NIPAL1: variants seen among roughly 807,000 people sequenced by gnomAD.
NIPAL1 encodes NIPA like domain containing 1, also known as magnesium transporter NIPA3.
A neutral mutation model predicts 37.7 loss-of-function variants in NIPAL1; 35 were observed. That is an observed-to-expected ratio of 0.93 (90% confidence interval 0.71 to 1.23). The LOEUF (loss-of-function observed/expected upper bound fraction) is 1.23, where lower values mean the gene tolerates loss of function less well. NIPAL1 is among the 50% of genes most tolerant of loss of function. The probability of loss-of-function intolerance (pLI) is 0.00; values close to 1 mark genes in which losing one functional copy is unlikely to be tolerated. For synonymous variants in NIPAL1, 162 were observed against 183.0 expected, an observed-to-expected ratio of 0.89 and a Z score of 0.93; for missense variants, 412 against 473.9, an observed-to-expected ratio of 0.87 and a Z score of 1.21.
intron 2 of NIPAL1, among the ~76,000 whole-genome samples, chr4:48,025,765 A>G (rs1715672345): frequency 6.6e-6 from 1 of 152,136 alleles, no homozygotes; most frequent in Non-Finnish European, 1.5e-5. Context: ...GGTTTATCTT[A>G]GTCTCTATCT....
At chr4:48,033,510 GA>G (rs138884158) in intron 4 of NIPAL1, among the ~76,000 whole-genome samples, 2,151 of 152,270 alleles carry the variant, frequency 0.014, 22 homozygotes, top group Non-Finnish European at 0.025. Flanking sequence ...CAAATTGCCA[GA>G]GTCCTGTCAA....
chr4:48,036,584 A>G lies in NIPAL1; in HGVS notation c.*412A>G, dbSNP rs1281780617. ...TATTCTCCGTTGAGTCATAATTTCAAACTCAACAAGATTTCAGAAAGGTAT... is the reference window on the plus strand; with the variant it reads ...TATTCTCCGTTGAGTCATAATTTCAGACTCAACAAGATTTCAGAAAGGTAT... On this transcript the variant is annotated 3_prime_UTR_variant, in exon 6 of 6. Transcript: ENST00000295461. 1 of 169,052 alleles carries G rather than the reference A, an allele frequency of 5.9e-6. No homozygotes were observed. The highest frequency in any genetic ancestry group is 1.2e-5 in the Non-Finnish European group (1 of 80,480). 10.5% of individuals were successfully genotyped at this position (169,052 alleles called of 1,614,324 possible). A position where few individuals can be genotyped will look rare whatever the true frequency, so the allele number is the denominator to read the frequency against.
In NIPAL1 at chr4:48,019,826, T is replaced by G. The variant is rs147272811; in HGVS notation, c.46+2941T>G. Among the ~76,000 whole-genome samples the G allele has an allele frequency of 3.5e-4, 54 of 152,294 alleles. No homozygotes were observed. In the East Asian group the frequency reaches 9.4e-3, roughly 27 times the overall value. On this transcript the variant is annotated intron_variant, in intron 1 of 5. Transcript: ENST00000295461. The stretch of plus-strand genomic sequence containing the variant: ...AAAGGTTCATTTCACCTGATCCTTC[T>G]CCCACCTACTCTTTAGCCACATCTC...
chr4:48,033,934 C>CTAG (rs367691637), intron 4 of NIPAL1, among the ~76,000 whole-genome samples: 3 of 152,130 alleles, frequency 2.0e-5, no homozygotes, highest in Admixed American at 1.3e-4. Context: ...CAATGAATAG[C>CTAG]TAGTAGTAGT....
chr4:48,031,848 C>T (rs1715827036), intron 3 of NIPAL1, among the ~76,000 whole-genome samples: 1 of 152,098 alleles, frequency 6.6e-6, no homozygotes, highest in South Asian at 2.1e-4. Flanking sequence ...AAACGATTCT[C>T]CTGCCTCAGC....
At chr4:48,025,626 C>T (rs1715669380) in intron 2 of NIPAL1, among the ~76,000 whole-genome samples, 2 of 152,194 alleles carry the variant, frequency 1.3e-5, no homozygotes, top group Non-Finnish European at 2.9e-5. Context: ...AGGTGCCAAA[C>T]ACTGCTAGGG....
At chr4:48,028,763 G>A (rs971560172) in intron 2 of NIPAL1, among the ~76,000 whole-genome samples, 1 of 152,032 alleles carries the variant, frequency 6.6e-6, no homozygotes, top group African/African-American at 2.4e-5. Flanking sequence ...TAAAGGATAT[G>A]AACATACATT....
chr4:48,036,119 T>C lies in NIPAL1; in HGVS notation c.1180T>C (p.Ser394Pro). 6.2e-7 allele frequency: 1 copy of C among 1,610,368 alleles called. No homozygotes were observed. Among genetic ancestry groups the C allele is most frequent in the Non-Finnish European group, 8.5e-7 (1 of 1,179,116 alleles). The change falls in exon 6 of 6, where the codon TCA (serine) becomes CCA (proline). Residue 394 changes from serine (S) to proline (P), a missense_variant. Coordinates refer to ENST00000295461, the MANE Select transcript of NIPAL1 (RefSeq NM_207330.3). ...NYVLLENLEC[S>P]APGYNDDVTL... ...TGTTTTACTAGAGAACTTGGAGTGT[T>C]CAGCCCCAGGATACAATGATGACGT...
Position 48,034,979 on chromosome 4 carries a change from A to T in NIPAL1, c.560A>T (p.His187Leu). ...SILGSTVMVI[H>L]APQEEEVTSL... is the part of the protein sequence containing the mutation. Reference sequence around the variant, plus strand: ...TTGGGGTCAACTGTGATGGTTATCCATGCCCCACAAGAAGAGGAAGTCACA... The same window carrying T: ...TTGGGGTCAACTGTGATGGTTATCCTTGCCCCACAAGAAGAGGAAGTCACA... The change falls in exon 5 of 6, where the codon CAT (histidine) becomes CTT (leucine). Residue 187 changes from histidine (H) to leucine (L), a missense_variant. Physicochemically the swap from His to Leu is moderately conservative, Grantham distance 99. Coordinates refer to ENST00000295461, the MANE Select transcript of NIPAL1 (RefSeq NM_207330.3). The T allele has an allele frequency of 1.9e-6, 3 of 1,613,684 alleles. No homozygotes were observed. Among genetic ancestry groups the T allele is most frequent in the Non-Finnish European group, 2.5e-6 (3 of 1,179,552 alleles).
Position 48,016,844 on chromosome 4 carries a change from G to C in NIPAL1, c.5G>C (p.Gly2Ala). ...CGGAAGCCCGCTCCCGGGGCCATGG[G>C]GGCACAGGTGAGGCTGCCGCCCGGA... M[G>A]AQVRLPPGEP... Residue 2 changes from glycine (G) to alanine (A), a missense_variant, in exon 1 of 6, where the codon GGG becomes GCG. Physicochemically the swap from Gly to Ala is moderately conservative, Grantham distance 60. Coordinates refer to ENST00000295461, the MANE Select transcript of NIPAL1 (RefSeq NM_207330.3). 6.3e-7 allele frequency: 1 copy of C among 1,586,810 alleles called. No individual in the cohort carries two copies. Among genetic ancestry groups the C allele is most frequent in the East Asian group, 2.3e-5 (1 of 43,704 alleles).
At chr4:48,032,582 T>A (rs1431618035) in intron 3 of NIPAL1, among the ~76,000 whole-genome samples, 1 of 152,240 alleles carries the variant, frequency 6.6e-6, no homozygotes, top group Non-Finnish European at 1.5e-5. Flanking sequence ...ATTCTAATTT[T>A]CCAAGCTGGT....
rs1715722373 is a variant in NIPAL1 at position 48,027,671 on chromosome 4, G to A, written c.313+2337G>A. On this transcript the variant is annotated intron_variant, in intron 2 of 5. Transcript: ENST00000295461. This position sits in a 1 kb window ranked among gnomAD's most constrained non-coding sequence, Gnocchi z 4.1. ...GCAGAGGGCTAAGTATATTAAAATTGATAAGAAAACTCCATTTTCTATAGT... is the reference window on the plus strand; with the variant it reads ...GCAGAGGGCTAAGTATATTAAAATTAATAAGAAAACTCCATTTTCTATAGT... Among the ~76,000 whole-genome samples the A allele has an allele frequency of 6.6e-6, 1 of 152,164 alleles. No homozygotes were observed. Among genetic ancestry groups the A allele is most frequent in the Non-Finnish European group, 1.5e-5 (1 of 68,010 alleles).
chr4:48,023,930 C>T (rs565550104), intron 1 of NIPAL1, among the ~76,000 whole-genome samples: 2 of 151,612 alleles, frequency 1.3e-5, no homozygotes, highest in Admixed American at 6.6e-5. Context: ...TCTTCATACC[C>T]ACCAAATGAC....
Position 48,025,126 on chromosome 4 carries a change from T to A in NIPAL1, c.105T>A (p.Asn35Lys), listed in dbSNP as rs1715657772. The A allele has an allele frequency of 2.5e-6, 4 of 1,613,816 alleles. No individual in the cohort carries two copies. Among genetic ancestry groups the A allele is most frequent in the Non-Finnish European group, 2.5e-6 (3 of 1,179,754 alleles). The change falls in exon 2 of 6, where the codon AAT (asparagine) becomes AAA (lysine). Residue 35 changes from asparagine (N) to lysine (K), a missense_variant. By Grantham distance (94) the Asn-to-Lys change is moderately conservative. Coordinates refer to ENST00000295461, the MANE Select transcript of NIPAL1 (RefSeq NM_207330.3). ...CCCAGGCTTGGTGTGAGATCACAAATGTGTCACAGCTGCTGGCTTCTCCTG... is the reference window on the plus strand; with the variant it reads ...CCCAGGCTTGGTGTGAGATCACAAAAGTGTCACAGCTGCTGGCTTCTCCTG... ...NSSQAWCEIT[N>K]VSQLLASPVL...
Position 48,025,135 on chromosome 4 carries a change from G to T in NIPAL1, c.114G>T (p.Gln38His). The T allele has an allele frequency of 6.2e-7, 1 of 1,613,726 alleles. No individual in the cohort carries two copies. The change falls in exon 2 of 6, where the codon CAG (glutamine) becomes CAT (histidine). Residue 38 changes from glutamine (Q) to histidine (H), a missense_variant. Transcript: ENST00000295461. Reference sequence around the variant, plus strand: ...GGTGTGAGATCACAAATGTGTCACAGCTGCTGGCTTCTCCTGTGCTCTACA... The same window carrying T: ...GGTGTGAGATCACAAATGTGTCACATCTGCTGGCTTCTCCTGTGCTCTACA... The part of the protein sequence containing the change: ...QAWCEITNVS[Q>H]LLASPVLYTD...
chr4:48,033,914 C>T (rs1426110816), intron 4 of NIPAL1, among the ~76,000 whole-genome samples: 2 of 152,148 alleles, frequency 1.3e-5, no homozygotes, highest in Non-Finnish European at 2.9e-5. Context: ...ACTTCAAACA[C>T]TTGTCTATGC....
Position 48,035,967 on chromosome 4 carries a change from G to A in NIPAL1, c.1028G>A (p.Gly343Glu), listed in dbSNP as rs374168487. 4.3e-6 allele frequency: 7 copies of A among 1,613,524 alleles called. No individual in the cohort carries two copies. In the African/African-American group the frequency reaches 9.3e-5, roughly 22 times the overall value. The change falls in exon 6 of 6, where the codon GGA (glycine) becomes GAA (glutamate). Residue 343 changes from glycine to glutamate, a missense_variant. Gly to Glu is a moderately conservative substitution (Grantham distance 98, BLOSUM62 -2). Transcript: ENST00000295461. Reference sequence around the variant, plus strand: ...GGAGATATCATTGGGACCCTGAGTGGATTCTTCACTATTATCATTGGCATC... The same window carrying A: ...GGAGATATCATTGGGACCCTGAGTGAATTCTTCACTATTATCATTGGCATC... ...TAGDIIGTLS[G>E]FFTIIIGIFL... is the part of the protein sequence containing the mutation.
chr4:48,039,036 T>C lies in NIPAL1; in HGVS notation c.*2864T>C, dbSNP rs1716018892. The C allele has an allele frequency of 6.6e-6, 1 of 151,888 alleles. No homozygotes were observed. Among genetic ancestry groups the C allele is most frequent in the East Asian group, 1.9e-4 (1 of 5,196 alleles). 9.4% of individuals were successfully genotyped at this position (151,888 alleles called of 1,614,324 possible). On this transcript the variant is annotated 3_prime_UTR_variant, in exon 6 of 6. Transcript: ENST00000295461. ...GCACATGCATTAAAAAAAAAAATGT[T>C]GTTGCAAATCTAACACTAAAAAATT...
Position 48,016,878 on chromosome 4 carries a change from C to T in NIPAL1, c.39C>T (p.Cys13=), listed in dbSNP as rs776459083. ...TGAGGCTGCCGCCCGGAGAGCCCTGCCGAGAAGGTTTGTGTCTGCCCTGAG... is the reference window on the plus strand; with the variant it reads ...TGAGGCTGCCGCCCGGAGAGCCCTGTCGAGAAGGTTTGTGTCTGCCCTGAG... The part of the protein sequence containing the change: ...AQVRLPPGEP[C]REGYVLSLVC... Residue 13 remains cysteine (C), a synonymous_variant, in exon 1 of 6, where the codon TGC becomes TGT. Transcript: ENST00000295461. The T allele has an allele frequency of 1.9e-6, 3 of 1,596,532 alleles. No homozygotes were observed. The highest frequency in any genetic ancestry group is 2.3e-5 in the South Asian group (2 of 88,578).
Sources: gnomAD v4.1 joint callset for allele counts (sites outside exome capture counted in the v4.1 genomes callset) on GRCh38, gnomAD v4.1.1 for gene constraint, Gnocchi (gnomAD v3.1) non-coding constraint, MANE v1.5 for transcripts, NCBI Gene and HGNC (gene_info 2026-07-23, HGNC 2026-07-21) for gene names.